Variants in VASP observed in about 807,000 individuals in gnomAD.
The protein encoded by VASP is vasodilator-stimulated phosphoprotein.
A neutral mutation model predicts 54.4 loss-of-function variants in VASP; 27 were observed. The ratio of observed to expected loss-of-function variants is 0.50; its 90% CI spans 0.37 to 0.68. VASP has a LOEUF of 0.68. Among genes scored for constraint, VASP ranks in the 30% least tolerant of loss-of-function variants. The pLI is 0.00. For synonymous variants in VASP, 233 were observed against 209.8 expected (o/e 1.11, Z -0.96); for missense variants, 488 against 528.3 (o/e 0.92, Z 0.75).
chr19:45,525,885 G>T, intron 11 of VASP, 61 bp from the exon 12 acceptor site: 2 of 1,517,876 alleles, frequency 1.3e-6, no homozygotes, highest in South Asian at 2.4e-5. Context: ...TAAAAGAAGG[G>T]GGATTCATTC....
rs772330164 is a variant in VASP at position 45,518,086 on chromosome 19, C to T, written c.335C>T (p.Ala112Val). The T allele has an allele frequency of 6.2e-6, 10 of 1,612,894 alleles. No homozygotes were observed. The highest frequency in any genetic ancestry group is 2.2e-5 in the South Asian group (2 of 91,046). The change falls in exon 3 of 13, where the codon GCG becomes GTG. Residue 112 changes from alanine (A) to valine (V), a missense_variant. By Grantham distance (64) the Ala-to-Val change is moderately conservative. Around this residue, in one of 4 missense-constraint regions of VASP, gnomAD observed 127 missense variants for 170.7 expected, o/e 0.74. Coordinates refer to ENST00000245932, the MANE Select transcript of VASP (RefSeq NM_003370.4). ...GCCGGCATGGCCAGTGCCCTAGAGG[C>T]GTTGGAAGGTCAGAAATGGCGGCGG... The part of the protein sequence containing the change: ...FAAGMASALE[A>V]LEGGGPPPPP...
chr19:45,522,342 G>A lies in VASP; in HGVS notation c.481G>A (p.Gly161Ser). The stretch of plus-strand genomic sequence containing the variant: ...CCCCTTTTCTGTGTTTGTTTCAGGA[G>A]GCCCACCTGCTCCCCCCGCTGGGGG... ...HIERRVSNAG[G>S]PPAPPAGGPP... is the part of the protein sequence containing the mutation. Residue 161 changes from glycine to serine, a missense_variant and splice_region_variant, in exon 6 of 13, where the codon GGC becomes AGC. This residue lies in a region of VASP where 226 missense variants were observed against 196.0 expected (regional missense o/e 1.15). Transcript: ENST00000245932. 1 of 1,601,560 alleles carries A rather than the reference G, an allele frequency of 6.2e-7. No homozygotes were observed.
chr19:45,519,797 G>A (rs1434525042), intron 3 of VASP, among the ~76,000 whole-genome samples: 1 of 148,712 alleles, frequency 6.7e-6, no homozygotes, highest in Non-Finnish European at 1.5e-5. Flanking sequence ...GGATTTCACC[G>A]TGTTAGCCAG....
rs540342842 is a variant in VASP at position 45,518,408 on chromosome 19, A to T, written c.343+314A>T. Among the ~76,000 whole-genome samples the T allele has an allele frequency of 2.0e-4, 31 of 152,178 alleles. No individual in the cohort carries two copies. In the East Asian group the frequency reaches 6.0e-3, roughly 29 times the overall value. ...TGAAATTGCGTCTCTATTAAAATTC[A>T]AAAATTAGCTGGGCGTGGTGGTGCG... is the stretch of plus-strand genomic sequence containing the variant. On this transcript the variant is annotated intron_variant, in intron 3 of 12. Coordinates refer to ENST00000245932, the MANE Select transcript of VASP (RefSeq NM_003370.4).
At chr19:45,524,467 C>T (rs764447270) in intron 10 of VASP, 103 bp from the exon 11 acceptor site, 1 of 1,221,936 alleles carries the variant, frequency 8.2e-7, no homozygotes, top group Non-Finnish European at 1.2e-6. Context: ...TGGACTTGCC[C>T]AATTTATAAG....
intron 4 of VASP, among the ~76,000 whole-genome samples, chr19:45,521,704 C>T (rs1599937976): frequency 6.6e-6 from 1 of 152,184 alleles, no homozygotes; most frequent in East Asian, 1.9e-4. Flanking sequence ...GCCTGGCCAA[C>T]ATGGCGAAAT....
intron 12 of VASP, 49 bp from the exon 13 acceptor site, chr19:45,526,091 G>A (rs1017223359): frequency 1.2e-6 from 2 of 1,613,580 alleles, no homozygotes; most frequent in Non-Finnish European, 8.5e-7. Flanking sequence ...TTTTGGAAGG[G>A]AGGAGGCAGA....
At chr19:45,514,757 C>T (rs1968669845) in intron 1 of VASP, among the ~76,000 whole-genome samples, 1 of 152,148 alleles carries the variant, frequency 6.6e-6, no homozygotes, top group African/African-American at 2.4e-5. Flanking sequence ...AGGCCGAGGC[C>T]TTAACCCTGC....
rs1599938669 is a variant in VASP, at chr19:45,522,110, C to T, written c.429-58C>T. 9.3e-6 allele frequency: 15 copies of T among 1,609,426 alleles called. No homozygotes were observed. In the Admixed American group the frequency reaches 1.0e-4, roughly 11 times the overall value. On this transcript the variant is annotated intron_variant, in intron 4 of 12. Transcript: ENST00000245932. ...GAGAGAGGACGGAGGTCGCTGGCCC[C>T]TTCGCTGGCCATCCTTAGGGCCCTG...
At chr19:45,519,757 A>G (rs1195258818) in intron 3 of VASP, among the ~76,000 whole-genome samples, 1 of 141,760 alleles carries the variant, frequency 7.1e-6, no homozygotes, top group African/African-American at 3.0e-5. Context: ...CACCACATCC[A>G]GCTAATTTTT....
chr19:45,522,172 C>A lies in VASP; in HGVS notation c.433C>A (p.Gln145Lys), dbSNP rs766953905. ...CTCTCTCGCCTCCCCCCACAGGCAG[C>A]AGCCCGGCCCGTCGGAGCACATAGA... ...PEEVEQQKRQ[Q>K]PGPSEHIERR... The change falls in exon 5 of 13, where the codon CAG becomes AAG. Residue 145 changes from glutamine (Q) to lysine (K), a missense_variant. By Grantham distance (53) the Gln-to-Lys change is moderately conservative. Around this residue, in one of 4 missense-constraint regions of VASP, gnomAD observed 226 missense variants for 196.0 expected, o/e 1.15. Transcript: ENST00000245932. 6 of 1,613,792 alleles carry A rather than the reference C, an allele frequency of 3.7e-6. No homozygotes were observed. Among genetic ancestry groups the A allele is most frequent in the South Asian group, 2.2e-5 (2 of 91,086 alleles).
At chr19:45,518,830 C>CT (rs1968764033) in intron 3 of VASP, among the ~76,000 whole-genome samples, 1 of 151,790 alleles carries the variant, frequency 6.6e-6, no homozygotes, top group African/African-American at 2.4e-5. Context: ...ATACTTGGCT[C>CT]TTTTTTTGTT....
intron 1 of VASP, among the ~76,000 whole-genome samples, chr19:45,510,222 G>GT (rs752929219): frequency 7.7e-5 from 9 of 116,696 alleles, no homozygotes; most frequent in Admixed American, 1.9e-4. Flanking sequence ...TGGTTTTTTT[G>GT]TTGGTTTGTT....
At chr19:45,512,601 TGTTTG>T (rs1968622069) in intron 1 of VASP, among the ~76,000 whole-genome samples, 1 of 149,364 alleles carries the variant, frequency 6.7e-6, no homozygotes, top group Non-Finnish European at 1.5e-5. Flanking sequence ...CTTTTTTGTT[TGTTTG>T]TTTTTGTTTT....
At chr19:45,515,329 CT>C (rs1158470370) in intron 1 of VASP, among the ~76,000 whole-genome samples, 1 of 152,162 alleles carries the variant, frequency 6.6e-6, no homozygotes, top group Non-Finnish European at 1.5e-5. Flanking sequence ...TCCCCTTCCC[CT>C]GTGTGACCTT....
intron 1 of VASP, among the ~76,000 whole-genome samples, chr19:45,516,158 A>T (rs12609861): frequency 0.37 from 56,736 of 151,898 alleles, 11,503 homozygotes; most frequent in African/African-American, 0.53. Context: ...CTTGGTCCTA[A>T]ACCTGGGTTG....
At chr19:45,518,640 G>C (rs1315025210) in intron 3 of VASP, among the ~76,000 whole-genome samples, 1 of 152,136 alleles carries the variant, frequency 6.6e-6, no homozygotes. Flanking sequence ...CACACTCCCG[G>C]GAAACCACCT....
At chr19:45,514,610 C>T (rs1028380108) in intron 1 of VASP, among the ~76,000 whole-genome samples, 3 of 152,330 alleles carry the variant, frequency 2.0e-5, no homozygotes, top group South Asian at 2.1e-4. Flanking sequence ...ACCCAGCAGG[C>T]GCCCTGTTCT....
At chr19:45,514,838 T>A (rs1400872203) in intron 1 of VASP, among the ~76,000 whole-genome samples, 1 of 152,058 alleles carries the variant, frequency 6.6e-6, no homozygotes, top group East Asian at 1.9e-4. Context: ...ACCTGGTGTT[T>A]GGGTGGGGCC....
Sources: gnomAD v4.1 joint callset for allele counts (sites outside exome capture counted in the v4.1 genomes callset) on GRCh38, gnomAD v4.1.1 for gene constraint, gnomAD v4.1.1 regional missense constraint, MANE v1.5 for transcripts, NCBI Gene and HGNC (gene_info 2026-07-23, HGNC 2026-07-21) for gene names.